Variants in LRMDA observed in about 807,000 individuals in gnomAD.
LRMDA encodes the protein leucine rich melanocyte differentiation associated.
Under a neutral mutation model 29.8 loss-of-function variants are expected in LRMDA, and 18 were observed. The observed-to-expected ratio is 0.60, with a 90% CI of 0.42 to 0.90. The LOEUF is 0.90. LRMDA is among the 40% of genes least tolerant of loss of function. The probability of loss-of-function intolerance (pLI) is 0.00; values close to 1 mark genes in which losing one functional copy is unlikely to be tolerated. For missense variants in LRMDA, 273 were observed against 273.9 expected (o/e 1.00, Z 0.02); for synonymous variants, 125 against 109.4 (o/e 1.14, Z -0.89).
At chr10:75,608,939 A>T (rs1292232586) in intron 2 of LRMDA, among the ~76,000 whole-genome samples, 1 of 152,078 alleles carries the variant, frequency 6.6e-6, no homozygotes, top group Non-Finnish European at 1.5e-5. Flanking sequence ...CTTCAACACG[A>T]CCAACAGTTT....
chr10:76,001,880 A>G (rs1040754004), intron 2 of LRMDA, among the ~76,000 whole-genome samples: 4 of 152,114 alleles, frequency 2.6e-5, no homozygotes, highest in Non-Finnish European at 5.9e-5. Flanking sequence ...GGAGAACCCC[A>G]AATGGGCTTG....
chr10:76,133,504 C>A (rs1188404513), intron 5 of LRMDA, among the ~76,000 whole-genome samples: 2 of 152,082 alleles, frequency 1.3e-5, no homozygotes, highest in Non-Finnish European at 2.9e-5. Context: ...AATTCAGGCC[C>A]CCGGGTGCAG....
chr10:75,682,590 A>T (rs1348326167), intron 2 of LRMDA, among the ~76,000 whole-genome samples: 1 of 152,188 alleles, frequency 6.6e-6, no homozygotes, highest in Non-Finnish European at 1.5e-5. Flanking sequence ...AATAGACCTG[A>T]TAACTCTGTG....
At chr10:76,415,958 C>T (rs896257041) in intron 6 of LRMDA, among the ~76,000 whole-genome samples, 3 of 152,224 alleles carry the variant, frequency 2.0e-5, no homozygotes, top group African/African-American at 7.2e-5. Flanking sequence ...GGCTTTTAAT[C>T]AGCTCACACA....
chr10:76,030,697 G>T (rs1217293278), intron 2 of LRMDA, among the ~76,000 whole-genome samples: 1 of 152,194 alleles, frequency 6.6e-6, no homozygotes, highest in Non-Finnish European at 1.5e-5. Flanking sequence ...GCGGAGGCAG[G>T]AGAATCACTT....
chr10:76,237,817 A>C (rs1157593938), intron 5 of LRMDA, among the ~76,000 whole-genome samples: 1 of 106,946 alleles, frequency 9.4e-6, no homozygotes, highest in Admixed American at 1.2e-4. Flanking sequence ...TTTAAGATGG[A>C]GTCTTGCTCT....
chr10:76,418,876 T>A (rs1202067281), intron 6 of LRMDA, among the ~76,000 whole-genome samples: 1 of 152,086 alleles, frequency 6.6e-6, no homozygotes, highest in African/African-American at 2.4e-5. Context: ...CTTTTCTCCT[T>A]TATTATATTA....
rs116959856 is a variant in LRMDA at position 76,152,339 on chromosome 10, A to G, written c.516+93556A>G. Among the ~76,000 whole-genome samples the G allele has an allele frequency of 5.1e-3, 779 of 152,334 alleles. 4 individuals carry two copies. Among genetic ancestry groups the G allele is most frequent in the Non-Finnish European group, 7.5e-3 (507 of 68,028 alleles). On this transcript the variant is annotated intron_variant, in intron 5 of 6. Transcript: ENST00000611255. ...TTTCAAGGATGATTCTTATTGTATC[A>G]TAAATCAGAACTTCCTTTCCTTTTT...
At chr10:76,194,300 C>T (rs906108663) in intron 5 of LRMDA, among the ~76,000 whole-genome samples, 1 of 152,048 alleles carries the variant, frequency 6.6e-6, no homozygotes, top group Non-Finnish European at 1.5e-5. Flanking sequence ...CATCCCATGC[C>T]CTTGGAAAAT....
intron 2 of LRMDA, among the ~76,000 whole-genome samples, chr10:75,912,494 A>G (rs1235446046): frequency 6.6e-6 from 1 of 152,206 alleles, no homozygotes; most frequent in Non-Finnish European, 1.5e-5. Context: ...AAGGAAGGGC[A>G]TTCCAGGCTG....
intron 5 of LRMDA, among the ~76,000 whole-genome samples, chr10:76,167,911 G>A (rs1850769791): frequency 1.3e-5 from 2 of 152,020 alleles, no homozygotes; most frequent in Non-Finnish European, 2.9e-5. Context: ...CCATTTGTTT[G>A]TGTCATTTCT....
chr10:76,530,475 T>C (rs1269324076), intron 6 of LRMDA, among the ~76,000 whole-genome samples: 4 of 152,170 alleles, frequency 2.6e-5, no homozygotes, highest in African/African-American at 7.2e-5. Flanking sequence ...AAAATAATAT[T>C]AGTTATCTCA....
chr10:76,229,236 G>A (rs112733860), intron 5 of LRMDA, among the ~76,000 whole-genome samples: 1 of 152,140 alleles, frequency 6.6e-6, no homozygotes, highest in South Asian at 2.1e-4. Flanking sequence ...CAGGAGAAAA[G>A]GTACATAAAT....
intron 6 of LRMDA, among the ~76,000 whole-genome samples, chr10:76,363,176 A>AGAAAGAAAGAAAGAAGGGAGGGAG (rs1459442138): frequency 4.6e-5 from 1 of 21,750 alleles, no homozygotes; most frequent in African/African-American, 1.5e-4. Context: ...AAAGAAAGAA[A>AGAAAGAAAGAAAGAAGGGAGGGAG]GGAGGGAGGG....
intron 2 of LRMDA, among the ~76,000 whole-genome samples, chr10:75,486,908 C>T (rs574123541): frequency 1.1e-3 from 169 of 152,340 alleles, no homozygotes; most frequent in Middle Eastern, 6.8e-3. Context: ...GGTGTGCTCT[C>T]AGCTTTGCAC....
intron 2 of LRMDA, among the ~76,000 whole-genome samples, chr10:75,675,836 G>T (rs1481490533): frequency 6.6e-6 from 1 of 152,102 alleles, no homozygotes; most frequent in Non-Finnish European, 1.5e-5. Context: ...CCTTGGATTA[G>T]AGCCTTTTGA....
intron 6 of LRMDA, among the ~76,000 whole-genome samples, chr10:76,439,767 G>A (rs1159193847): frequency 6.6e-6 from 1 of 152,192 alleles, no homozygotes; most frequent in Non-Finnish European, 1.5e-5. Flanking sequence ...GTAGTCCCCT[G>A]TGCTAAATGC....
intron 2 of LRMDA, among the ~76,000 whole-genome samples, chr10:75,488,277 G>T (rs1844939950): frequency 6.6e-6 from 1 of 152,124 alleles, no homozygotes; most frequent in South Asian, 2.1e-4. Context: ...TTAAAAAAAA[G>T]AACTTTTCCT....
chr10:76,447,247 T>G (rs2132296673), intron 6 of LRMDA, among the ~76,000 whole-genome samples: 1 of 152,278 alleles, frequency 6.6e-6, no homozygotes, highest in Middle Eastern at 3.4e-3. Flanking sequence ...GTCATTTTTC[T>G]CATTTTATAT....
Sources: allele counts gnomAD v4.1 joint callset (sites outside exome capture counted in the v4.1 genomes callset), GRCh38; gene constraint gnomAD v4.1.1; transcripts MANE v1.5; gene names NCBI Gene and HGNC (gene_info 2026-07-23, HGNC 2026-07-21).